FRMPD4: variants seen among roughly 807,000 people sequenced by gnomAD.
FRMPD4 encodes the protein FERM and PDZ domain-containing protein 4.
In FRMPD4, 22 loss-of-function variants were observed where a neutral mutation model predicts 94.1. The observed-to-expected ratio is 0.23, with a 90% CI of 0.17 to 0.33. The LOEUF (loss-of-function observed/expected upper bound fraction) is 0.33. Ranked by LOEUF, FRMPD4 falls within the 10% of genes least tolerant of loss-of-function variation. FRMPD4 has a pLI of 1.00. For missense variants in FRMPD4, 1,111 were observed against 1,339.9 expected, an observed-to-expected ratio of 0.83 and a Z score of 2.67; for synonymous variants, 631 against 548.6, an observed-to-expected ratio of 1.15 and a Z score of -2.10.
intron 1 of FRMPD4, among the ~76,000 whole-genome samples, chrX:12,493,635 G>C (rs2057814325): frequency 8.9e-6 from 1 of 112,055 alleles, no homozygotes; most frequent in African/African-American, 3.2e-5. Flanking sequence ...GTTTGGAGTA[G>C]AAAGTCTCAG....
chrX:12,033,472 A>C (rs6640866), intron 3 of FRMPD4, among the ~76,000 whole-genome samples: 7,289 of 111,254 alleles, frequency 0.066, 267 homozygotes, highest in East Asian at 0.24. Flanking sequence ...AGCAAAAGTG[A>C]AAGTAATTGC....
chrX:12,605,145 C>T (rs898618245), intron 2 of FRMPD4, among the ~76,000 whole-genome samples: 1 of 112,151 alleles, frequency 8.9e-6, no homozygotes, highest in Admixed American at 9.4e-5. Flanking sequence ...TCTCACCAAA[C>T]GATCATATCA....
chrX:12,628,671 G>T (rs1319956288), intron 4 of FRMPD4, among the ~76,000 whole-genome samples: 1 of 112,615 alleles, frequency 8.9e-6, no homozygotes, highest in Non-Finnish European at 1.9e-5. Flanking sequence ...GAAAAGACAG[G>T]GAGCATGCCT....
At chrX:11,931,007 G>A (rs1232763997) in intron 3 of FRMPD4, among the ~76,000 whole-genome samples, 2 of 111,500 alleles carry the variant, frequency 1.8e-5, no homozygotes, top group Non-Finnish European at 3.8e-5. Context: ...CCAGCAGCCT[G>A]TCAGGGGAAA....
intron 3 of FRMPD4, among the ~76,000 whole-genome samples, chrX:12,106,690 G>A (rs1046551633): frequency 9.0e-6 from 1 of 111,459 alleles, no homozygotes; most frequent in African/African-American, 3.3e-5. Context: ...GGAAAATCGG[G>A]TCACTCCCAC....
chrX:12,126,748 A>G (rs938890905), intron 3 of FRMPD4, among the ~76,000 whole-genome samples: 1 of 111,877 alleles, frequency 8.9e-6, no homozygotes, highest in Non-Finnish European at 1.9e-5. Context: ...TCTCATACTC[A>G]ATAGACAAGC....
rs56674304 is a variant in FRMPD4 at position 11,847,723 on chromosome X, T to A, written c.-160-17363T>A. On this transcript the variant is annotated intron_variant, in intron 1 of 18. Coordinates refer to the FRMPD4 transcript ENST00000640291. ...AGCCATAAAAAATGATGAGCTAATG[T>A]CCTTTGTAGGGACATGGATGAAATT... 8.8e-3 allele frequency among the ~76,000 whole-genome samples: 965 copies of A among 109,635 alleles called. 9 individuals are homozygous for A. The highest frequency in any genetic ancestry group is 0.03 in the African/African-American group (888 of 29,974).
At chrX:12,613,515 CA>C (rs751369665) in intron 3 of FRMPD4, among the ~76,000 whole-genome samples, 1 of 112,502 alleles carries the variant, frequency 8.9e-6, no homozygotes, top group Admixed American at 9.4e-5. Context: ...AAATGCTGAA[CA>C]AATATTAGTT....
chrX:12,544,479 G>T (rs2148317879), intron 2 of FRMPD4, among the ~76,000 whole-genome samples: 1 of 111,708 alleles, frequency 9.0e-6, no homozygotes, highest in East Asian at 2.8e-4. Context: ...ATGTTTTTAA[G>T]TGTCTTGGTT....
At chrX:12,240,319 TA>T (rs2147791524) in intron 1 of FRMPD4, among the ~76,000 whole-genome samples, 1 of 112,297 alleles carries the variant, frequency 8.9e-6, no homozygotes, top group East Asian at 2.8e-4. Flanking sequence ...AGGGCAAGGC[TA>T]ATAATATGTG....
chrX:12,217,384 C>T (rs1047200832), intron 1 of FRMPD4, among the ~76,000 whole-genome samples: 4 of 111,842 alleles, frequency 3.6e-5, no homozygotes, highest in African/African-American at 1.3e-4. Context: ...AAAAAGAATC[C>T]TTCCTTAGAA....
intron 14 of FRMPD4, 64 bp from the exon 15 acceptor site, chrX:12,716,000 CTCCCA>C: frequency 3.0e-6 from 1 of 334,681 alleles, no homozygotes; most frequent in Non-Finnish European, 5.4e-6. Flanking sequence ...AGAGACGAGC[CTCCCA>C]CCCCCGCCCC....
At chrX:12,448,839 A>G (rs940421394) in intron 1 of FRMPD4, among the ~76,000 whole-genome samples, 1 of 111,843 alleles carries the variant, frequency 8.9e-6, no homozygotes, top group Admixed American at 9.5e-5. Context: ...TTTCCTACTG[A>G]GTAGTGCTAC....
intron 3 of FRMPD4, among the ~76,000 whole-genome samples, chrX:12,025,058 T>C (rs1254770812): frequency 9.0e-6 from 1 of 110,710 alleles, no homozygotes; most frequent in African/African-American, 3.3e-5. Context: ...AATTTTTTTT[T>C]CTCTTGGCTC....
chrX:12,410,980 C>T (rs1031938371), intron 1 of FRMPD4, among the ~76,000 whole-genome samples: 9 of 112,038 alleles, frequency 8.0e-5, no homozygotes, highest in Non-Finnish European at 3.8e-5. Flanking sequence ...ATTCCTAAAA[C>T]TTCATCGCAT....
At chrX:11,988,327 A>G (rs866130497) in intron 3 of FRMPD4, among the ~76,000 whole-genome samples, 4 of 111,598 alleles carry the variant, frequency 3.6e-5, no homozygotes, top group Non-Finnish European at 7.5e-5. Flanking sequence ...GCCAAGAAAT[A>G]CATTAGGGGA....
intron 4 of FRMPD4, among the ~76,000 whole-genome samples, chrX:12,661,226 T>C (rs1292794482): frequency 2.7e-5 from 3 of 112,612 alleles, no homozygotes; most frequent in Non-Finnish European, 5.6e-5. Flanking sequence ...GAAGGTCATC[T>C]TTAGATCCCT....
At chrX:12,702,262 G>A (rs1209235423) in intron 10 of FRMPD4, among the ~76,000 whole-genome samples, 1 of 112,444 alleles carries the variant, frequency 8.9e-6, no homozygotes, top group Non-Finnish European at 1.9e-5. Flanking sequence ...AAAGGGGCTT[G>A]ATTCCAAGCC....
At chrX:12,091,167 G>T (rs1314067426) in intron 3 of FRMPD4, among the ~76,000 whole-genome samples, 1 of 111,727 alleles carries the variant, frequency 9.0e-6, no homozygotes, top group East Asian at 2.8e-4. Context: ...ATTATTATCA[G>T]CCTTACTGGC....
Sources: gnomAD v4.1 joint callset for allele counts (sites outside exome capture counted in the v4.1 genomes callset) on GRCh38, gnomAD v4.1.1 for gene constraint, MANE v1.5 for transcripts, NCBI Gene and HGNC (gene_info 2026-07-23, HGNC 2026-07-21) for gene names.